Variants in GPC5 observed in about 807,000 individuals in gnomAD.
The protein encoded by GPC5 is glypican 5.
Under a neutral mutation model 53.9 loss-of-function variants are expected in GPC5, and 47 were observed. That is an observed-to-expected ratio of 0.87 (90% CI 0.69 to 1.11). GPC5 has a LOEUF of 1.11. GPC5 is among the 50% of genes most tolerant of loss of function. The pLI, the probability that GPC5 is intolerant of heterozygous loss-of-function variation, is 0.00. For synonymous variants in GPC5, 286 were observed against 263.3 expected (o/e 1.09, Z -0.84); for missense variants, 748 against 713.1 (o/e 1.05, Z -0.56).
At chr13:92,449,290 T>C (rs1416784135) in intron 7 of GPC5, among the ~76,000 whole-genome samples, 1 of 152,150 alleles carries the variant, frequency 6.6e-6, no homozygotes, top group Non-Finnish European at 1.5e-5. Flanking sequence ...GGAAAGGGCT[T>C]TTTGTTCCTT....
chr13:91,956,605 G>T (rs1320168155), intron 6 of GPC5, among the ~76,000 whole-genome samples: 3 of 152,102 alleles, frequency 2.0e-5, no homozygotes, highest in Non-Finnish European at 2.9e-5. Flanking sequence ...TCCACCACTG[G>T]GGCCTGGAGA....
chr13:91,801,118 A>T (rs763317665), intron 5 of GPC5, among the ~76,000 whole-genome samples: 1 of 152,194 alleles, frequency 6.6e-6, no homozygotes, highest in Non-Finnish European at 1.5e-5. Flanking sequence ...TTCATAGCCT[A>T]GTCATTACAT....
At chr13:91,453,144 A>C (rs952711103) in intron 2 of GPC5, among the ~76,000 whole-genome samples, 1 of 151,916 alleles carries the variant, frequency 6.6e-6, no homozygotes, top group South Asian at 2.1e-4. Flanking sequence ...TTTTTGAAAG[A>C]TTGGCAAGCC....
At chr13:92,111,543 G>C (rs371519048) in intron 6 of GPC5, among the ~76,000 whole-genome samples, 1 of 151,510 alleles carries the variant, frequency 6.6e-6, no homozygotes, top group Non-Finnish European at 1.5e-5. Context: ...TTAGCAACTA[G>C]ATGTTTCTTC....
rs1029101363 is a variant in GPC5, at chr13:92,207,095, C to T, written c.1561+62106C>T. The stretch of plus-strand genomic sequence containing the variant: ...ACTTCATTTGTTATTTAATTTTACC[C>T]AAACTTTTCTACCTTGGAAGGGATA... On this transcript the variant is annotated intron_variant, in intron 7 of 7. Transcript: ENST00000377067. Among the ~76,000 whole-genome samples the T allele has an allele frequency of 3.3e-5, 5 of 152,126 alleles. No homozygotes were observed. The South Asian group carries it at 1.0e-3, about 32-fold the overall frequency.
chr13:92,566,001 C>T (rs574355387), intron 7 of GPC5, among the ~76,000 whole-genome samples: 1 of 152,044 alleles, frequency 6.6e-6, no homozygotes, highest in South Asian at 2.1e-4. Context: ...TTATTTTTGT[C>T]AACAGTCATT....
intron 7 of GPC5, among the ~76,000 whole-genome samples, chr13:92,503,352 A>AGGTGAGACAGTAGGAGGGAGGTAAGG (rs1880257508): frequency 6.6e-6 from 1 of 151,842 alleles, no homozygotes; most frequent in Non-Finnish European, 1.5e-5. Flanking sequence ...AACTGAGGAA[A>AGGTGAGACAGTAGGAGGGAGGTAAGG]AATGAAAATT....
At chr13:92,520,286 A>G (rs1448579583) in intron 7 of GPC5, among the ~76,000 whole-genome samples, 1 of 152,204 alleles carries the variant, frequency 6.6e-6, no homozygotes, top group African/African-American at 2.4e-5. Flanking sequence ...TTAAGAGGCC[A>G]GCATCATCCT....
chr13:91,643,668 G>A (rs985638118), intron 2 of GPC5, among the ~76,000 whole-genome samples: 2 of 152,164 alleles, frequency 1.3e-5, no homozygotes, highest in Non-Finnish European at 1.5e-5. Context: ...TCTGCTTCAT[G>A]CTTCTTATCT....
intron 2 of GPC5, among the ~76,000 whole-genome samples, chr13:91,659,735 T>G (rs1247806929): frequency 6.6e-6 from 1 of 152,126 alleles, no homozygotes; most frequent in Non-Finnish European, 1.5e-5. Context: ...CATTTCCAAT[T>G]ACCACCTGTC....
At chr13:91,716,565 A>G (rs1250732255) in intron 3 of GPC5, among the ~76,000 whole-genome samples, 1 of 152,094 alleles carries the variant, frequency 6.6e-6, no homozygotes. Flanking sequence ...TCTTGTGTTC[A>G]TTTATTTTTT....
In GPC5 at chr13:92,338,346, G is replaced by T. The variant is rs556499544; in HGVS notation, c.1561+193357G>T. Reference sequence around the variant, plus strand: ...ATAATTGTTGCTGGGAATGCAAAATGGTACTCTGGAAGACAGTTTCTTACA... The same window carrying T: ...ATAATTGTTGCTGGGAATGCAAAATTGTACTCTGGAAGACAGTTTCTTACA... On this transcript the variant is annotated intron_variant, in intron 7 of 7. Coordinates refer to ENST00000377067, the MANE Select transcript of GPC5 (RefSeq NM_004466.6). Among the ~76,000 whole-genome samples, 132 of 152,106 alleles carry T rather than the reference G, an allele frequency of 8.7e-4. 1 individual carries two copies. Among genetic ancestry groups the T allele is most frequent in the Non-Finnish European group, 1.7e-3 (118 of 67,944 alleles).
chr13:91,603,265 C>G (rs139686320), intron 2 of GPC5, among the ~76,000 whole-genome samples: 1 of 152,162 alleles, frequency 6.6e-6, no homozygotes, highest in Non-Finnish European at 1.5e-5. Context: ...GAGCTCTCTC[C>G]GTAAATGATG....
At chr13:91,441,172 G>GT (rs1236391918) in intron 1 of GPC5, among the ~76,000 whole-genome samples, 64 of 152,210 alleles carry the variant, frequency 4.2e-4, no homozygotes, top group African/African-American at 1.5e-3. Flanking sequence ...GGGCTTTCAA[G>GT]TCTGTTATAT....
At chr13:91,708,235 G>T (rs1354386940) in intron 3 of GPC5, among the ~76,000 whole-genome samples, 1 of 152,018 alleles carries the variant, frequency 6.6e-6, no homozygotes, top group African/African-American at 2.4e-5. Flanking sequence ...AGATTCCTTG[G>T]CTATTTCTGA....
chr13:92,060,686 A>G (rs2041115693), intron 6 of GPC5, among the ~76,000 whole-genome samples: 1 of 152,122 alleles, frequency 6.6e-6, no homozygotes, highest in African/African-American at 2.4e-5. Flanking sequence ...TTTATTGTGA[A>G]TGAACGGAAG....
intron 2 of GPC5, among the ~76,000 whole-genome samples, chr13:91,507,951 C>T (rs1439195862): frequency 6.6e-6 from 1 of 152,078 alleles, no homozygotes; most frequent in Non-Finnish European, 1.5e-5. Flanking sequence ...AAATATTCTT[C>T]AATCTTAAAC....
chr13:92,501,669 TAA>T (rs1348907654), intron 7 of GPC5, among the ~76,000 whole-genome samples: 1 of 151,102 alleles, frequency 6.6e-6, no homozygotes, highest in East Asian at 1.9e-4. Flanking sequence ...ACAAAAAGAG[TAA>T]AGAGTCTTAA....
At chr13:91,856,777 A>G (rs2038971998) in intron 5 of GPC5, among the ~76,000 whole-genome samples, 1 of 150,922 alleles carries the variant, frequency 6.6e-6, no homozygotes, top group Non-Finnish European at 1.5e-5. Flanking sequence ...TTTCTTTTTC[A>G]TTTTTAAAGA....
Sources: allele counts gnomAD v4.1 joint callset (sites outside exome capture counted in the v4.1 genomes callset), GRCh38; gene constraint gnomAD v4.1.1; transcripts MANE v1.5; gene names NCBI Gene and HGNC (gene_info 2026-07-23, HGNC 2026-07-21).